The following DDX17 variants were observed in gnomAD, a reference collection of about 807,000 sequenced individuals.
DDX17 encodes the protein DEAD-box helicase 17.
Under a neutral mutation model 80.8 loss-of-function variants are expected in DDX17, and 10 were observed. That is an observed-to-expected ratio of 0.12 (90% CI 0.08 to 0.21). The LOEUF (loss-of-function observed/expected upper bound fraction) is 0.21. DDX17 is among the 10% of genes least tolerant of loss of function. The pLI, the probability that DDX17 is intolerant of heterozygous loss-of-function variation, is 1.00. For synonymous variants in DDX17, 339 were observed against 336.2 expected, an observed-to-expected ratio of 1.01 and a Z score of -0.09; for missense variants, 586 against 957.4, an observed-to-expected ratio of 0.61 and a Z score of 5.12.
chr22:38,494,534 G>T, intron 8 of DDX17, 96 bp downstream of exon 8: 5 of 1,119,630 alleles, frequency 4.5e-6, no homozygotes, highest in Non-Finnish European at 3.9e-6. Context: ...ATGTTCTCAG[G>T]CCTCAAAATA....
At chr22:38,505,568 C>T (rs1459598361) in intron 1 of DDX17, 2 of 203,310 alleles carry the variant, frequency 9.8e-6, no homozygotes, top group African/African-American at 4.6e-5. Flanking sequence ...CAGATGAACG[C>T]CGAGGCCTGG....
rs1187264857 is a variant in DDX17 at position 38,485,809 on chromosome 22, G to A, written c.*126C>T. ...AAAAGACAAATCACGATGGTTGGGG[G>A]GAAAAATTAAAAAAAAAAAAAGAAA... On this transcript the variant is annotated 3_prime_UTR_variant, in exon 13 of 13. Transcript: ENST00000403230. The A allele has an allele frequency of 2.4e-6, 3 of 1,236,714 alleles. No individual in the cohort carries two copies. The highest frequency in any genetic ancestry group is 5.5e-5 in the East Asian group (2 of 36,154). The allele number at this position is 1,236,714 out of a possible 1,614,324, so 76.6% of individuals were successfully genotyped here.
chr22:38,504,017 T>C (rs1003938794), intron 1 of DDX17, among the ~76,000 whole-genome samples: 1 of 152,228 alleles, frequency 6.6e-6, no homozygotes, highest in Non-Finnish European at 1.5e-5. Flanking sequence ...TTCAAATAAC[T>C]TATTAAAGCA....
Position 38,483,883 on chromosome 22 carries a change from G to A in DDX17, c.*2052C>T, listed in dbSNP as rs2089627140. On this transcript the variant is annotated 3_prime_UTR_variant, in exon 13 of 13. Transcript: ENST00000403230. ...TTAAACTCTGCTAGATTTCAGCTGT[G>A]CTCAGGCCATAATAGTTTTTGAGGT... The A allele has an allele frequency of 6.6e-6, 1 of 152,170 alleles. No homozygotes were observed. Among genetic ancestry groups the A allele is most frequent in the Non-Finnish European group, 1.5e-5 (1 of 68,036 alleles). 9.4% of individuals were successfully genotyped at this position (152,170 alleles called of 1,614,324 possible).
intron 6 of DDX17, among the ~76,000 whole-genome samples, chr22:38,495,450 T>A (rs1569139968): frequency 6.6e-6 from 1 of 152,130 alleles, no homozygotes; most frequent in Non-Finnish European, 1.5e-5. Context: ...TTTCACCATG[T>A]TAGCCAGGAT....
Position 38,489,030 on chromosome 22 carries a change from A to T in DDX17, c.1448-915T>A. The T allele has an allele frequency of 2.0e-6, 2 of 985,036 alleles. No homozygotes were observed. Among genetic ancestry groups the T allele is most frequent in the Non-Finnish European group, 2.4e-6 (2 of 829,578 alleles). 61.0% of individuals were successfully genotyped at this position (985,036 alleles called of 1,614,324 possible). On this transcript the variant is annotated intron_variant, in intron 11 of 12. Transcript: ENST00000403230. This position sits in a 1 kb window ranked among gnomAD's most constrained non-coding sequence, Gnocchi z 4.6. ...AATAACCTCCTAAGGCTTAAAATGT[A>T]AATGTTAGTGTAATGCTTTCAGCTG...
At chr22:38,499,599 T>G (rs1211614830) in intron 2 of DDX17, 100 bp from the exon 3 acceptor site, 3 of 884,554 alleles carry the variant, frequency 3.4e-6, no homozygotes, top group African/African-American at 3.3e-5. Context: ...CACAGCTATG[T>G]TGGCAAATAT....
In DDX17 at chr22:38,506,079, G is replaced by T. The variant is rs755749383; in HGVS notation, c.159C>A (p.Val53=). Residue 53 remains valine, a synonymous_variant, in exon 1 of 13, where the codon GTC becomes GTA. Transcript: ENST00000403230. ...GGGCCTGCGGCTCCGGTCTGGTGAC[G>T]ACCGATGGCGGCGGCGCCTCCGCTG... The T allele has an allele frequency of 1.3e-6, 2 of 1,580,920 alleles. No individual in the cohort carries two copies. Among genetic ancestry groups the T allele is most frequent in the Admixed American group, 1.9e-5 (1 of 53,774 alleles).
chr22:38,491,891 G>T, intron 11 of DDX17, 165 bp downstream of exon 11: 1 of 467,946 alleles, frequency 2.1e-6, no homozygotes, highest in Non-Finnish European at 3.7e-6. Context: ...AAATTGTGGG[G>T]GGGGCAGGGA....
rs2089621307 is a variant in DDX17, at chr22:38,483,462, A to T, written c.*2473T>A. The T allele has an allele frequency of 6.6e-6, 1 of 152,552 alleles. No homozygotes were observed. The highest frequency in any genetic ancestry group is 2.4e-5 in the African/African-American group (1 of 41,464). 9.4% of individuals were successfully genotyped at this position (152,552 alleles called of 1,614,324 possible). Reference sequence around the variant, plus strand: ...CTTATTGTCAACAGTGTTTTTATTTATACCTACAAAAAGAAAACAAGATGA... The same window carrying T: ...CTTATTGTCAACAGTGTTTTTATTTTTACCTACAAAAAGAAAACAAGATGA... On this transcript the variant is annotated 3_prime_UTR_variant, in exon 13 of 13. Coordinates refer to ENST00000403230, the MANE Select transcript of DDX17 (RefSeq NM_006386.5).
In DDX17 at chr22:38,489,183, T is replaced by C. The variant is rs1062081; in HGVS notation, c.1448-1068A>G. The C allele has an allele frequency of 1.1e-4, 112 of 985,404 alleles. No individual in the cohort carries two copies. The highest frequency in any genetic ancestry group is 1.2e-4 in the Non-Finnish European group (103 of 829,778). The allele number at this position is 985,404 out of a possible 1,614,324, so 61.0% of individuals were successfully genotyped here. ...AATATCCTAGATAAAACACAGATTT[T>C]TGTGATATAAATAATTAAAAAACAT... On this transcript the variant is annotated intron_variant, in intron 11 of 12. Transcript: ENST00000403230. The surrounding 1 kb of genome is among the most constrained non-coding windows in gnomAD (Gnocchi z 4.6).
chr22:38,487,618 C>G (rs2089673168), intron 12 of DDX17, among the ~76,000 whole-genome samples: 1 of 151,976 alleles, frequency 6.6e-6, no homozygotes, highest in African/African-American at 2.4e-5. Flanking sequence ...GACTCCGTCT[C>G]AAAACAAACA....
chr22:38,491,834 A>G, intron 11 of DDX17: 1 of 440,594 alleles, frequency 2.3e-6, no homozygotes, highest in Non-Finnish European at 3.9e-6. Flanking sequence ...AGGAGCAGGA[A>G]GAGACTTTGA....
rs373374241 is a variant in DDX17, at chr22:38,485,851, A to C, written c.*84T>G. ...AAAAAGAAAAAAGGAAAAAAAAAGA[A>C]AAGGCGAAGAGGAAAAAAAAAGGAA... On this transcript the variant is annotated 3_prime_UTR_variant, in exon 13 of 13. Transcript: ENST00000403230. 8.2e-6 allele frequency: 12 copies of C among 1,465,238 alleles called. No homozygotes were observed. The African/African-American group carries it at 1.6e-4, about 19-fold the overall frequency. The allele number at this position is 1,465,238 out of a possible 1,614,324, so 90.8% of individuals were successfully genotyped here.
At chr22:38,493,075 A>T (rs1431775842) in intron 10 of DDX17, among the ~76,000 whole-genome samples, 1 of 152,198 alleles carries the variant, frequency 6.6e-6, no homozygotes, top group East Asian at 1.9e-4. Flanking sequence ...GCACACGCTA[A>T]AAGTACCCTC....
At position 38,485,910 on chromosome 22, in the gene DDX17, T is replaced by C; in HGVS notation, c.*25A>G. The C allele has an allele frequency of 6.2e-7, 1 of 1,611,802 alleles. No individual in the cohort carries two copies. Among genetic ancestry groups the C allele is most frequent in the Non-Finnish European group, 8.5e-7 (1 of 1,179,460 alleles). ...TTCCTTAAAATGTAATTAAGTCTGC[T>C]GGAGTCACTACCACTTGAGTGGTTT... On this transcript the variant is annotated 3_prime_UTR_variant, in exon 13 of 13. Coordinates refer to ENST00000403230, the MANE Select transcript of DDX17 (RefSeq NM_006386.5).
rs568656225 is a variant in DDX17 at position 38,504,425 on chromosome 22, T to C, written c.287+1526A>G. 3.9e-5 allele frequency among the ~76,000 whole-genome samples: 6 copies of C among 152,326 alleles called. No individual in the cohort carries two copies. In the East Asian group the frequency reaches 1.2e-3, roughly 29 times the overall value. Reference sequence around the variant, plus strand: ...TGGGGTACCTGTGCAAGGATTTCTCTAGGCATTACAGTCTAGGGTATAAAG... The same window carrying C: ...TGGGGTACCTGTGCAAGGATTTCTCCAGGCATTACAGTCTAGGGTATAAAG... On this transcript the variant is annotated intron_variant, in intron 1 of 12. Transcript: ENST00000403230.
chr22:38,496,966 G>A (rs2089774249), intron 5 of DDX17, among the ~76,000 whole-genome samples: 2 of 152,064 alleles, frequency 1.3e-5, no homozygotes, highest in African/African-American at 4.8e-5. Flanking sequence ...TATTGTACAT[G>A]TTCATAAATA....
chr22:38,489,664 G>A lies in DDX17; in HGVS notation c.1448-1549C>T. Reference sequence around the variant, plus strand: ...CTGTTGTTACAGGGCTTGTGAAGAAGGGGCATTATGTCTGTTTCTTATTAC... The same window carrying A: ...CTGTTGTTACAGGGCTTGTGAAGAAAGGGCATTATGTCTGTTTCTTATTAC... On this transcript the variant is annotated intron_variant, in intron 11 of 12. Coordinates refer to ENST00000403230, the MANE Select transcript of DDX17 (RefSeq NM_006386.5). The surrounding 1 kb of genome is among the most constrained non-coding windows in gnomAD (Gnocchi z 4.6). The A allele has an allele frequency of 1.0e-6, 1 of 985,282 alleles. No individual in the cohort carries two copies. Among genetic ancestry groups the A allele is most frequent in the Non-Finnish European group, 1.2e-6 (1 of 829,908 alleles). 61.0% of individuals were successfully genotyped at this position (985,282 alleles called of 1,614,324 possible).
Sources: gnomAD v4.1 joint callset for allele counts (sites outside exome capture counted in the v4.1 genomes callset) on GRCh38, gnomAD v4.1.1 for gene constraint, Gnocchi (gnomAD v3.1) non-coding constraint, MANE v1.5 for transcripts, NCBI Gene and HGNC (gene_info 2026-07-23, HGNC 2026-07-21) for gene names.